KCND2: variants seen among roughly 807,000 people sequenced by gnomAD.
KCND2 encodes the protein A-type voltage-gated potassium channel KCND2.
A neutral mutation model predicts 54.4 loss-of-function variants in KCND2; 16 were observed. That is an observed-to-expected ratio of 0.29 (90% CI 0.20 to 0.45). The LOEUF is 0.45. KCND2 is among the 20% of genes least tolerant of loss of function. The pLI, the probability that KCND2 is intolerant of heterozygous loss-of-function variation, is 1.00. For missense variants in KCND2, 486 were observed against 824.2 expected (o/e 0.59, Z 5.02); for synonymous variants, 317 against 310.7 (o/e 1.02, Z -0.21).
At chr7:120,718,638 C>T (rs1423515462) in intron 1 of KCND2, among the ~76,000 whole-genome samples, 1 of 152,056 alleles carries the variant, frequency 6.6e-6, no homozygotes. Context: ...CAAAAGAGTG[C>T]TCTAAATGGG....
Position 120,642,671 on chromosome 7 carries a change from C to T in KCND2, c.1116-90232C>T, listed in dbSNP as rs184027148. Among the ~76,000 whole-genome samples, 569 of 151,638 alleles carry T rather than the reference C, an allele frequency of 3.8e-3. 3 individuals are homozygous for T. The highest frequency in any genetic ancestry group is 6.9e-3 in the Admixed American group (105 of 15,212). ...TTTCCTCCTTTGTTAGATGTTCCAC[C>T]GCTTTAAGGCAGGAAGAATGTTTTA... On this transcript the variant is annotated intron_variant, in intron 1 of 5. Coordinates refer to ENST00000331113, the MANE Select transcript of KCND2 (RefSeq NM_012281.3).
At chr7:120,451,147 T>C (rs1802100812) in intron 1 of KCND2, among the ~76,000 whole-genome samples, 1 of 152,162 alleles carries the variant, frequency 6.6e-6, no homozygotes. Flanking sequence ...AGTTTTCCAC[T>C]GCTGCATGTA....
intron 1 of KCND2, among the ~76,000 whole-genome samples, chr7:120,402,705 T>C (rs1292885205): frequency 2.0e-5 from 3 of 152,184 alleles, no homozygotes; most frequent in Non-Finnish European, 4.4e-5. Context: ...CAGTGTACTT[T>C]TAAAAATGTT....
intron 1 of KCND2, among the ~76,000 whole-genome samples, chr7:120,382,635 C>T (rs1800930824): frequency 6.6e-6 from 1 of 151,862 alleles, no homozygotes; most frequent in East Asian, 1.9e-4. Flanking sequence ...TTATAAACAA[C>T]TTAAGTATCT....
chr7:120,638,134 G>A (rs1287572822), intron 1 of KCND2, among the ~76,000 whole-genome samples: 2 of 152,096 alleles, frequency 1.3e-5, no homozygotes, highest in East Asian at 1.9e-4. Flanking sequence ...AGGATCTTCC[G>A]CAGAATTTCT....
At chr7:120,621,993 T>C (rs1196860537) in intron 1 of KCND2, among the ~76,000 whole-genome samples, 1 of 152,042 alleles carries the variant, frequency 6.6e-6, no homozygotes, top group Non-Finnish European at 1.5e-5. Flanking sequence ...TTGGTTTTTT[T>C]TTAATGAAAC....
intron 1 of KCND2, among the ~76,000 whole-genome samples, chr7:120,310,088 A>C (rs932017874): frequency 1.3e-5 from 2 of 152,210 alleles, no homozygotes; most frequent in African/African-American, 4.8e-5. Flanking sequence ...CACCTCAGAC[A>C]TGTCCCTATG....
intron 1 of KCND2, among the ~76,000 whole-genome samples, chr7:120,375,197 A>G (rs967805362): frequency 1.3e-5 from 2 of 152,066 alleles, no homozygotes; most frequent in Middle Eastern, 3.4e-3. Flanking sequence ...TATGGAATTT[A>G]TGATTTGTGT....
chr7:120,725,805 T>G (rs969879301), intron 1 of KCND2, among the ~76,000 whole-genome samples: 2 of 152,136 alleles, frequency 1.3e-5, no homozygotes, highest in Admixed American at 6.6e-5. Context: ...GCTATAACAC[T>G]TTGGATAATT....
intron 1 of KCND2, among the ~76,000 whole-genome samples, chr7:120,364,074 C>G (rs1800634095): frequency 6.6e-6 from 1 of 152,160 alleles, no homozygotes; most frequent in African/African-American, 2.4e-5. Flanking sequence ...AAAACAGTGC[C>G]TGGCACATAA....
chr7:120,288,542 C>G, intron 1 of KCND2, among the ~76,000 whole-genome samples: 1 of 152,022 alleles, frequency 6.6e-6, no homozygotes, highest in Middle Eastern at 3.2e-3. Flanking sequence ...GTTTAATTGG[C>G]TTTTCATGGA....
At chr7:120,279,960 TAG>T (rs1799238598) in intron 1 of KCND2, among the ~76,000 whole-genome samples, 1 of 151,964 alleles carries the variant, frequency 6.6e-6, no homozygotes, top group Non-Finnish European at 1.5e-5. Flanking sequence ...ATCATTTATG[TAG>T]AGACTTAAAG....
chr7:120,273,123 G>A (rs1375974597), upstream of KCND2, among the ~76,000 whole-genome samples: 1 of 152,184 alleles, frequency 6.6e-6, no homozygotes, highest in Non-Finnish European at 1.5e-5. Context: ...GGAGCCCGAG[G>A]GGGCGGGGGC....
intron 1 of KCND2, among the ~76,000 whole-genome samples, chr7:120,393,221 T>C: frequency 6.6e-6 from 1 of 152,012 alleles, no homozygotes; most frequent in Non-Finnish European, 1.5e-5. Context: ...AGTCTACATG[T>C]ATTTTTAAAA....
At position 120,373,484 on chromosome 7, in the gene KCND2, A is replaced by G. The variant is rs1250545373; in HGVS notation, c.1115+97737A>G. ...CTCCTTAGAAATGACTTAGCTTTAA[A>G]TTGCTCCTCATTTATGAGAATAATA... On this transcript the variant is annotated intron_variant, in intron 1 of 5. Transcript: ENST00000331113. Among the ~76,000 whole-genome samples, 4 of 151,900 alleles carry G rather than the reference A, an allele frequency of 2.6e-5. 1 individual carries two copies. The highest frequency in any genetic ancestry group is 4.1e-4 in the South Asian group (2 of 4,832).
chr7:120,647,794 T>G (rs967467514), intron 1 of KCND2, among the ~76,000 whole-genome samples: 4 of 152,242 alleles, frequency 2.6e-5, no homozygotes, highest in Non-Finnish European at 4.4e-5. Context: ...CTGTGTAGTA[T>G]TATGCTCACT....
At chr7:120,501,789 C>T (rs1043380880) in intron 1 of KCND2, among the ~76,000 whole-genome samples, 1 of 152,014 alleles carries the variant, frequency 6.6e-6, no homozygotes, top group Non-Finnish European at 1.5e-5. Flanking sequence ...ATATATTTCG[C>T]ACTGTATTCC....
In KCND2 at chr7:120,274,502, T is replaced by G. The variant is rs1584705990; in HGVS notation, c.-131T>G. ...CTTTACCAGGAGCCCTATCTTGGAA[T>G]AAGAGTTACACCTCTGGACCACGTT... On this transcript the variant is annotated 5_prime_UTR_variant, in exon 1 of 6. Coordinates refer to ENST00000331113, the MANE Select transcript of KCND2 (RefSeq NM_012281.3). 2.6e-5 allele frequency: 26 copies of G among 989,922 alleles called. No homozygotes were observed. The East Asian group carries it at 6.2e-4, about 24-fold the overall frequency. 61.3% of individuals were successfully genotyped at this position (989,922 alleles called of 1,614,324 possible). A position where few individuals can be genotyped will look rare whatever the true frequency, so the allele number is the denominator to read the frequency against.
At chr7:120,424,368 G>C (rs141308025) in intron 1 of KCND2, among the ~76,000 whole-genome samples, 4 of 152,244 alleles carry the variant, frequency 2.6e-5, no homozygotes, top group Non-Finnish European at 5.9e-5. Context: ...ATAGAATCTG[G>C]TTCAGCATAA....
Sources: gnomAD v4.1 joint callset for allele counts (sites outside exome capture counted in the v4.1 genomes callset) on GRCh38, gnomAD v4.1.1 for gene constraint, MANE v1.5 for transcripts, NCBI Gene and HGNC (gene_info 2026-07-23, HGNC 2026-07-21) for gene names.